The following NDUFA7 variants were observed in gnomAD, a reference collection of about 807,000 sequenced individuals.
The protein encoded by NDUFA7 is NADH:ubiquinone oxidoreductase subunit A7.
A neutral mutation model predicts 14.2 loss-of-function variants in NDUFA7; 18 were observed. The ratio of observed to expected loss-of-function variants is 1.27; its 90% CI spans 0.88 to 1.88. The LOEUF is 1.88. Among genes scored for constraint, NDUFA7 ranks in the 40% most tolerant of loss-of-function variants. The pLI, the probability that NDUFA7 is intolerant of heterozygous loss-of-function variation, is 0.00. For synonymous variants in NDUFA7, 75 were observed against 62.1 expected (o/e 1.21, Z -0.98); for missense variants, 172 against 147.3 (o/e 1.17, Z -0.87).
At chr19:8,315,111 A>C (rs1360788833) in intron 3 of NDUFA7, among the ~76,000 whole-genome samples, 1 of 152,122 alleles carries the variant, frequency 6.6e-6, no homozygotes, top group African/African-American at 2.4e-5. Context: ...ACCACTCCCT[A>C]ATCTCAAGTA....
At chr19:8,308,661 A>T, downstream of NDUFA7, 1 of 287,744 alleles carries the variant, frequency 3.5e-6, no homozygotes, top group Non-Finnish European at 6.5e-6. Context: ...TTCCTCCCTC[A>T]TCCCACTGCT....
chr19:8,315,883 G>A (rs867473765), intron 3 of NDUFA7, among the ~76,000 whole-genome samples: 9 of 151,936 alleles, frequency 5.9e-5, no homozygotes, highest in Admixed American at 1.3e-4. Flanking sequence ...GGCCAGGCAC[G>A]GTGGGTCACG....
Position 8,321,353 on chromosome 19 carries a change from C to T in NDUFA7, c.6G>A (p.Ala2=), listed in dbSNP as rs749676239. 5 of 1,574,418 alleles carry T rather than the reference C, an allele frequency of 3.2e-6. No homozygotes were observed. The African/African-American group carries it at 4.0e-5, about 13-fold the overall frequency. M[A]SATRLIQRLR... ...GCCGCTGGATGAGACGGGTGGCGGA[C>T]GCCATCTTCCGTCCGCGATACTGAA... The change falls in exon 1 of 4, where the codon GCG becomes GCA. Residue 2 remains alanine, a synonymous_variant. Coordinates refer to ENST00000301457, the MANE Select transcript of NDUFA7 (RefSeq NM_005001.5).
intron 3 of NDUFA7, among the ~76,000 whole-genome samples, chr19:8,316,148 C>CAAAAAAAAAA (rs60161246): frequency 1.2e-5 from 1 of 80,646 alleles, no homozygotes; most frequent in Non-Finnish European, 2.5e-5. Context: ...GACTCCGTCT[C>CAAAAAAAAAA]AAAAAAAAAA....
At chr19:8,314,869 C>T (rs937274843) in intron 3 of NDUFA7, among the ~76,000 whole-genome samples, 1 of 151,054 alleles carries the variant, frequency 6.6e-6, no homozygotes, top group African/African-American at 2.4e-5. Context: ...GAGCCGAGAT[C>T]ACACCACTGC....
At chr19:8,312,379 CAT>C (rs1270474000) in intron 3 of NDUFA7, among the ~76,000 whole-genome samples, 1 of 152,178 alleles carries the variant, frequency 6.6e-6, no homozygotes, top group Non-Finnish European at 1.5e-5. Context: ...GAAATGCACA[CAT>C]CTCTGGGGGC....
intron 3 of NDUFA7, among the ~76,000 whole-genome samples, chr19:8,312,342 T>C (rs1970188510): frequency 6.6e-6 from 1 of 151,804 alleles, no homozygotes; most frequent in Non-Finnish European, 1.5e-5. Context: ...CTCAAGGAAA[T>C]GGAAAAGGCA....
At chr19:8,310,783 AAC>A (rs1970167795), downstream of NDUFA7, 1 of 152,092 alleles carries the variant, frequency 6.6e-6, no homozygotes, top group Non-Finnish European at 1.5e-5. Flanking sequence ...CTGTAATCCC[AAC>A]ACTTTGGGAG....
At chr19:8,315,244 A>C (rs972893024) in intron 3 of NDUFA7, among the ~76,000 whole-genome samples, 2 of 152,160 alleles carry the variant, frequency 1.3e-5, no homozygotes, top group African/African-American at 4.8e-5. Flanking sequence ...GAAAGACCTG[A>C]CCGTCCCCCA....
At chr19:8,320,372 G>T (rs1335056390) in intron 2 of NDUFA7, among the ~76,000 whole-genome samples, 1 of 152,154 alleles carries the variant, frequency 6.6e-6, no homozygotes, top group East Asian at 1.9e-4. Context: ...TGGCGTCCAT[G>T]AAAGAATGTG....
At chr19:8,310,956 G>A (rs1020655788), downstream of NDUFA7, among the ~76,000 whole-genome samples, 1 of 152,140 alleles carries the variant, frequency 6.6e-6, no homozygotes, top group Non-Finnish European at 1.5e-5. Context: ...AGAGGTTGCA[G>A]TGACCTGAGA....
chr19:8,319,025 C>A (rs1237324182), intron 2 of NDUFA7, among the ~76,000 whole-genome samples: 2 of 150,696 alleles, frequency 1.3e-5, no homozygotes, highest in African/African-American at 4.9e-5. Context: ...CTAGAGGGTG[C>A]CGTCATCCTA....
At chr19:8,313,116 A>G (rs559795827) in intron 3 of NDUFA7, among the ~76,000 whole-genome samples, 14 of 151,702 alleles carry the variant, frequency 9.2e-5, no homozygotes, top group Non-Finnish European at 1.8e-4. Flanking sequence ...TCTAATAGAG[A>G]CGGGGTCTCG....
intron 2 of NDUFA7, chr19:8,319,601 C>T (rs1970277139): frequency 6.6e-6 from 1 of 150,418 alleles, no homozygotes; most frequent in African/African-American, 2.4e-5. Context: ...AAGTTTGATA[C>T]TTCTAATATT....
At chr19:8,315,893 G>A (rs887950824) in intron 3 of NDUFA7, among the ~76,000 whole-genome samples, 4 of 151,998 alleles carry the variant, frequency 2.6e-5, no homozygotes, top group Non-Finnish European at 4.4e-5. Flanking sequence ...GGTGGGTCAC[G>A]CCTGTAATCC....
downstream of NDUFA7, among the ~76,000 whole-genome samples, chr19:8,309,700 C>T (rs531550216): frequency 6.6e-6 from 1 of 152,272 alleles, no homozygotes; most frequent in South Asian, 2.1e-4. Context: ...GTACCTGCTG[C>T]CTGTAGCCGT....
chr19:8,308,620 A>C, downstream of NDUFA7: 1 of 356,854 alleles, frequency 2.8e-6, no homozygotes, highest in Non-Finnish European at 5.1e-6. Context: ...CTTCTTTAAT[A>C]TGGCAGCCAC....
chr19:8,321,247 C>G, intron 1 of NDUFA7, 61 bp downstream of exon 1: 1 of 1,470,022 alleles, frequency 6.8e-7, no homozygotes, highest in Non-Finnish European at 9.1e-7. Flanking sequence ...GGAGCAGGAG[C>G]GGGTCCCGGA....
intron 2 of NDUFA7, among the ~76,000 whole-genome samples, chr19:8,318,336 G>A (rs1402028104): frequency 6.6e-6 from 1 of 151,850 alleles, no homozygotes; most frequent in Non-Finnish European, 1.5e-5. Context: ...TTTTAGTAGA[G>A]ATGGGTTTTC....
Sources: allele counts gnomAD v4.1 joint callset (sites outside exome capture counted in the v4.1 genomes callset), GRCh38; gene constraint gnomAD v4.1.1; transcripts MANE v1.5; gene names NCBI Gene and HGNC (gene_info 2026-07-23, HGNC 2026-07-21).